CELF2: variants seen among roughly 807,000 people sequenced by gnomAD.
The protein encoded by CELF2 is CUGBP Elav-like family member 2, also known as CUG triplet repeat RNA-binding protein 2.
A neutral mutation model predicts 62.6 loss-of-function variants in CELF2; 8 were observed. The observed-to-expected ratio is 0.13, with a 90% CI of 0.07 to 0.23. The LOEUF is 0.23. CELF2 is among the 10% of genes least tolerant of loss of function. The probability of loss-of-function intolerance (pLI) is 1.00; values close to 1 mark genes in which losing one functional copy is unlikely to be tolerated. For missense variants in CELF2, 333 were observed against 671.0 expected, an observed-to-expected ratio of 0.50 and a Z score of 5.56; for synonymous variants, 258 against 250.0, an observed-to-expected ratio of 1.03 and a Z score of -0.30.
intron 4 of CELF2, among the ~76,000 whole-genome samples, chr10:11,251,392 C>G (rs760275345): frequency 1.4e-5 from 2 of 140,646 alleles, no homozygotes; most frequent in African/African-American, 2.6e-5. Context: ...TTCTTTCTGT[C>G]CAGTGTCCAC....
chr10:10,892,593 T>C (rs1177463166), intron 1 of CELF2, among the ~76,000 whole-genome samples: 1 of 152,232 alleles, frequency 6.6e-6, no homozygotes, highest in African/African-American at 2.4e-5. Context: ...TTCATTCTCA[T>C]TAGTGGAGCT....
chr10:11,261,296 G>A (rs1045905981), intron 5 of CELF2, among the ~76,000 whole-genome samples: 2 of 152,234 alleles, frequency 1.3e-5, no homozygotes, highest in Admixed American at 6.5e-5. Flanking sequence ...CCCTAAGAGG[G>A]GTTACACTGA....
At chr10:10,574,828 G>T in the CELF2 span, among the ~76,000 whole-genome samples, 1 of 149,560 alleles carries the variant, frequency 6.7e-6, no homozygotes, top group African/African-American at 2.5e-5. Flanking sequence ...TTCTGCCTCA[G>T]CCTCCTGACT....
chr10:10,978,929 G>C (rs977418885), intron 2 of CELF2, among the ~76,000 whole-genome samples: 1 of 152,108 alleles, frequency 6.6e-6, no homozygotes, highest in Admixed American at 6.6e-5. Flanking sequence ...AGAGAATTTG[G>C]GCTCCTTGGC....
chr10:10,654,546 A>G, the CELF2 span, among the ~76,000 whole-genome samples: 1 of 100,572 alleles, frequency 9.9e-6, no homozygotes, highest in Non-Finnish European at 2.1e-5. Flanking sequence ...CATCCCTGGG[A>G]TGCAAGGCTG....
intron 2 of CELF2, among the ~76,000 whole-genome samples, chr10:10,991,088 G>A (rs910611830): frequency 9.9e-5 from 15 of 151,992 alleles, no homozygotes; most frequent in African/African-American, 2.4e-4. Flanking sequence ...CGAGTTTGGC[G>A]GGTGTAACTT....
Position 10,838,612 on chromosome 10 carries a change from T to A in CELF2, c.53+39795T>A, listed in dbSNP as rs117016345. ...TTTATATTAATTTCATACTTTGGAT[T>A]GTAATTCATTACTCCTTAATTTTGT... On this transcript the variant is annotated intron_variant, in intron 1 of 13. Coordinates refer to the CELF2 transcript ENST00000636488. 9.2e-3 allele frequency among the ~76,000 whole-genome samples: 1,400 copies of A among 152,340 alleles called. 16 individuals are homozygous for A. Among genetic ancestry groups the A allele is most frequent in the Middle Eastern group, 0.017 (5 of 294 alleles).
chr10:10,868,385 G>T (rs1247293505), intron 1 of CELF2, among the ~76,000 whole-genome samples: 2 of 152,178 alleles, frequency 1.3e-5, no homozygotes, highest in Admixed American at 1.3e-4. Context: ...CATGTGATTT[G>T]GGTTTATTAA....
At chr10:11,126,874 T>TA (rs1287794609) in intron 1 of CELF2, among the ~76,000 whole-genome samples, 14 of 152,134 alleles carry the variant, frequency 9.2e-5, no homozygotes, top group Admixed American at 7.9e-4. Flanking sequence ...CTTTTTTTTT[T>TA]AAGTTCATTT....
At chr10:10,691,716 G>A in the CELF2 span, among the ~76,000 whole-genome samples, 1 of 145,952 alleles carries the variant, frequency 6.9e-6, no homozygotes, top group Admixed American at 6.8e-5. Context: ...GTGTGAGATG[G>A]TATCTCATTG....
chr10:10,977,573 A>AT (rs1474127106), intron 2 of CELF2, among the ~76,000 whole-genome samples: 1 of 152,242 alleles, frequency 6.6e-6, no homozygotes, highest in Non-Finnish European at 1.5e-5. Context: ...AAATGAGTCA[A>AT]TTTAGATATT....
At chr10:10,899,596 C>T (rs529957562) in intron 1 of CELF2, among the ~76,000 whole-genome samples, 22 of 152,286 alleles carry the variant, frequency 1.4e-4, no homozygotes, top group African/African-American at 4.8e-4. Context: ...AGCTTGCAGA[C>T]TGTACTAGTC....
chr10:11,277,438 G>A (rs1485245461), intron 8 of CELF2, among the ~76,000 whole-genome samples: 1 of 152,170 alleles, frequency 6.6e-6, no homozygotes, highest in African/African-American at 2.4e-5. Flanking sequence ...CTCCCTGGAT[G>A]CTTCAGGATA....
the CELF2 span, among the ~76,000 whole-genome samples, chr10:10,689,536 T>C: frequency 6.6e-6 from 1 of 152,200 alleles, no homozygotes; most frequent in African/African-American, 2.4e-5. Flanking sequence ...TGAAAACTAG[T>C]ATTTGAATAT....
the CELF2 span, among the ~76,000 whole-genome samples, chr10:10,572,346 T>A: frequency 7.2e-3 from 715 of 99,622 alleles, 3 homozygotes; most frequent in African/African-American, 0.022. Flanking sequence ...CTTTTTTTTT[T>A]AATTTTTCTT....
the CELF2 span, among the ~76,000 whole-genome samples, chr10:10,544,286 G>A: frequency 6.6e-6 from 1 of 152,158 alleles, no homozygotes; most frequent in South Asian, 2.1e-4. Context: ...ACTCCTCCTG[G>A]CAGGGAGCAA....
At chr10:11,143,813 T>C (rs916387184) in intron 1 of CELF2, among the ~76,000 whole-genome samples, 6 of 152,276 alleles carry the variant, frequency 3.9e-5, no homozygotes, top group Non-Finnish European at 5.9e-5. Flanking sequence ...TCTCATCTTT[T>C]ATTAAAATAC....
chr10:11,321,089 C>G lies in CELF2; in HGVS notation c.1097-100C>G, dbSNP rs2095416673. The G allele has an allele frequency of 7.4e-7, 1 of 1,345,144 alleles. No homozygotes were observed. The highest frequency in any genetic ancestry group is 1.1e-6 in the Non-Finnish European group (1 of 945,608). The allele number at this position is 1,345,144 out of a possible 1,614,324, so 83.3% of individuals were successfully genotyped here. A position where few individuals can be genotyped will look rare whatever the true frequency, so the allele number is the denominator to read the frequency against. ...TGTAATTGTGTGCTAGCTGCATGTA[C>G]TTGCTGTTGTACTGTGTTTAAATGA... On this transcript the variant is annotated intron_variant, in intron 10 of 12. Coordinates refer to ENST00000633077, the MANE Select transcript of CELF2 (RefSeq NM_001326342.2). This position sits in a 1 kb window ranked among gnomAD's most constrained non-coding sequence, Gnocchi z 6.2.
chr10:10,688,403 T>G, the CELF2 span, among the ~76,000 whole-genome samples: 1 of 152,204 alleles, frequency 6.6e-6, no homozygotes, highest in Non-Finnish European at 1.5e-5. Context: ...TGCTAACAAA[T>G]TATAACCACT....
Sources: allele counts gnomAD v4.1 joint callset (sites outside exome capture counted in the v4.1 genomes callset), GRCh38; gene constraint gnomAD v4.1.1; non-coding constraint Gnocchi (gnomAD v3.1); transcripts MANE v1.5; gene names NCBI Gene and HGNC (gene_info 2026-07-23, HGNC 2026-07-21).